P2RY14: variants seen among roughly 807,000 people sequenced by gnomAD.
The protein encoded by P2RY14 is P2Y purinoceptor 14.
Under a neutral mutation model 0.9 loss-of-function variants are expected in P2RY14, and 2 were observed. That is an observed-to-expected ratio of 2.16 (90% CI 0.88 to 6.79). P2RY14 has a LOEUF of 6.79. P2RY14 is among the 30% of genes most tolerant of loss of function. The pLI is 0.05. For synonymous variants in P2RY14, 158 were observed against 147.2 expected (o/e 1.07, Z -0.53); for missense variants, 378 against 400.1 (o/e 0.94, Z 0.47).
rs368702152 is a variant in P2RY14 at position 151,213,089 on chromosome 3, A to G, written c.*211T>C. ...TTAATTTTTTATTAATAGAGAATAG[A>G]AAGGTCAGTATTAGAGAAATTACTG... On this transcript the variant is annotated 3_prime_UTR_variant, in exon 3 of 3. Coordinates refer to ENST00000309170, the MANE Select transcript of P2RY14 (RefSeq NM_014879.4). 9.1e-5 allele frequency: 34 copies of G among 373,712 alleles called. No individual in the cohort carries two copies. The South Asian group carries it at 2.8e-3, about 31-fold the overall frequency. The allele number at this position is 373,712 out of a possible 1,614,324, so 23.1% of individuals were successfully genotyped here.
intron 1 of P2RY14, among the ~76,000 whole-genome samples, chr3:151,258,077 C>T (rs1033150884): frequency 7.9e-5 from 12 of 152,260 alleles, no homozygotes; most frequent in African/African-American, 2.6e-4. Flanking sequence ...GTATCTATAC[C>T]ATTCCAATCT....
At chr3:151,214,361 G>T in intron 2 of P2RY14, 21 bp from the exon 3 acceptor site, 2 of 1,523,196 alleles carry the variant, frequency 1.3e-6, no homozygotes, top group Non-Finnish European at 1.8e-6. Context: ...GTGTGAACTG[G>T]TCACTCATAG....
intron 1 of P2RY14, among the ~76,000 whole-genome samples, chr3:151,277,341 C>G (rs1385367809): frequency 1.3e-5 from 2 of 151,938 alleles, no homozygotes; most frequent in Non-Finnish European, 2.9e-5. Context: ...AAATTCATTG[C>G]ATGTTTACAA....
chr3:151,252,109 C>G (rs1253290152), intron 1 of P2RY14, among the ~76,000 whole-genome samples: 15 of 152,134 alleles, frequency 9.9e-5, no homozygotes, highest in Non-Finnish European at 1.0e-4. Context: ...CCTGGACCAC[C>G]CATCCCCTCC....
intron 1 of P2RY14, among the ~76,000 whole-genome samples, chr3:151,225,915 T>A (rs1347701030): frequency 6.6e-6 from 1 of 152,218 alleles, no homozygotes; most frequent in Non-Finnish European, 1.5e-5. Flanking sequence ...CTTGTTGAAA[T>A]CTGCTGTTTA....
Position 151,218,004 on chromosome 3 carries a change from A to G in P2RY14, c.-25+1531T>C, listed in dbSNP as rs140576793. On this transcript the variant is annotated intron_variant, in intron 2 of 2. Transcript: ENST00000309170. Reference sequence around the variant, plus strand: ...TGAAAATCAGGACAAAATCATTAAAAAAGACATGCATCATTTGGACCTCGT... The same window carrying G: ...TGAAAATCAGGACAAAATCATTAAAGAAGACATGCATCATTTGGACCTCGT... 2.7e-3 allele frequency among the ~76,000 whole-genome samples: 413 copies of G among 152,330 alleles called. 6 individuals are homozygous for G. The East Asian group carries it at 0.032, about 12-fold the overall frequency.
chr3:151,223,766 C>T (rs572004496), intron 1 of P2RY14, among the ~76,000 whole-genome samples: 2 of 152,260 alleles, frequency 1.3e-5, no homozygotes, highest in African/African-American at 4.8e-5. Context: ...GATGGGTTCA[C>T]TAGAAGCCCA....
intron 1 of P2RY14, among the ~76,000 whole-genome samples, chr3:151,256,257 T>C (rs1056695375): frequency 1.3e-5 from 2 of 152,230 alleles, no homozygotes; most frequent in African/African-American, 2.4e-5. Flanking sequence ...TAAGATCTCA[T>C]ATGCAGTACC....
At chr3:151,265,990 T>A (rs2149521939) in intron 1 of P2RY14, among the ~76,000 whole-genome samples, 1 of 152,328 alleles carries the variant, frequency 6.6e-6, no homozygotes, top group South Asian at 2.1e-4. Flanking sequence ...ATTTAATTGT[T>A]GTCTGTGCCT....
chr3:151,248,956 C>T (rs1736312382), intron 1 of P2RY14: 2 of 152,216 alleles, frequency 1.3e-5, no homozygotes, highest in Non-Finnish European at 2.9e-5. Context: ...ATTTTGCTCT[C>T]TGCTGGACTG....
At chr3:151,278,137 G>A (rs1742203934) in intron 1 of P2RY14, 150 bp downstream of exon 1, 1 of 152,148 alleles carries the variant, frequency 6.6e-6, no homozygotes, top group Non-Finnish European at 1.5e-5. Context: ...AATTATAGTT[G>A]TCAAACAAAA....
chr3:151,242,415 A>C (rs577356385), intron 1 of P2RY14, among the ~76,000 whole-genome samples: 3,221 of 152,294 alleles, frequency 0.021, 91 homozygotes, highest in African/African-American at 0.075. Flanking sequence ...CCCAGCACGC[A>C]GCTGGAGATC....
chr3:151,272,124 A>C (rs770541408), intron 1 of P2RY14, among the ~76,000 whole-genome samples: 5 of 152,210 alleles, frequency 3.3e-5, no homozygotes, highest in African/African-American at 4.8e-5. Flanking sequence ...GAAAGAGGGC[A>C]GAAGTGACAG....
intron 1 of P2RY14, among the ~76,000 whole-genome samples, chr3:151,255,947 G>A (rs1346457939): frequency 6.6e-6 from 1 of 152,116 alleles, no homozygotes; most frequent in Non-Finnish European, 1.5e-5. Flanking sequence ...AATCACGTAA[G>A]GTGTATTTTC....
rs186804734 is a variant in P2RY14 at position 151,246,911 on chromosome 3, A to T, written c.-132-27269T>A. 1.7e-3 allele frequency among the ~76,000 whole-genome samples: 262 copies of T among 152,326 alleles called. 5 individuals carry two copies. The highest frequency in any genetic ancestry group is 2.9e-4 in the Non-Finnish European group (20 of 68,032). ...TGTCCAGAATCTACAATGAACTGAA[A>T]CAAATTTACAAGAAAAAAACAAACA... is the stretch of plus-strand genomic sequence containing the variant. On this transcript the variant is annotated intron_variant, in intron 1 of 2. Coordinates refer to ENST00000309170, the MANE Select transcript of P2RY14 (RefSeq NM_014879.4).
intron 1 of P2RY14, among the ~76,000 whole-genome samples, chr3:151,263,042 G>C (rs1216400909): frequency 1.3e-5 from 2 of 152,134 alleles, no homozygotes; most frequent in Non-Finnish European, 2.9e-5. Context: ...ATGAATGACT[G>C]TCGCGTGGGG....
chr3:151,264,124 A>G (rs1739406120), intron 1 of P2RY14, among the ~76,000 whole-genome samples: 1 of 152,164 alleles, frequency 6.6e-6, no homozygotes, highest in Admixed American at 6.6e-5. Context: ...CTGTTACTGG[A>G]CATTTGGGTT....
chr3:151,253,348 T>C (rs903296401), intron 1 of P2RY14, among the ~76,000 whole-genome samples: 1 of 152,192 alleles, frequency 6.6e-6, no homozygotes, highest in Admixed American at 6.5e-5. Context: ...TACCCCTCAC[T>C]CCAGTTTAGA....
chr3:151,213,296 G>C lies in P2RY14; in HGVS notation c.*4C>G, dbSNP rs751517527. The stretch of plus-strand genomic sequence containing the variant: ...GTGGTCTTTCTTTGGAAGAGGGTAG[G>C]AACTCACAAAGTATCTGTGCTTTCA... On this transcript the variant is annotated 3_prime_UTR_variant, in exon 3 of 3. Transcript: ENST00000309170. The C allele has an allele frequency of 4.4e-6, 7 of 1,590,926 alleles. No individual in the cohort carries two copies. Among genetic ancestry groups the C allele is most frequent in the Non-Finnish European group, 6.0e-6 (7 of 1,170,312 alleles).
Sources: gnomAD v4.1 joint callset for allele counts (sites outside exome capture counted in the v4.1 genomes callset) on GRCh38, gnomAD v4.1.1 for gene constraint, MANE v1.5 for transcripts, NCBI Gene and HGNC (gene_info 2026-07-23, HGNC 2026-07-21) for gene names.